GALNTL6: variants seen among roughly 807,000 people sequenced by gnomAD.
The protein encoded by GALNTL6 is polypeptide N-acetylgalactosaminyltransferase like 6, also known as polypeptide N-acetylgalactosaminyltransferase-like 6.
A neutral mutation model predicts 73.7 loss-of-function variants in GALNTL6; 46 were observed. That is an observed-to-expected ratio of 0.62 (90% CI 0.49 to 0.80). The LOEUF (loss-of-function observed/expected upper bound fraction) is 0.80. Among genes scored for constraint, GALNTL6 ranks in the 30% least tolerant of loss-of-function variants. The pLI is 0.00. For synonymous variants in GALNTL6, 259 were observed against 263.7 expected (o/e 0.98, Z 0.17); for missense variants, 604 against 755.0 (o/e 0.80, Z 2.34).
At chr4:172,733,698 C>A (rs138918833) in intron 5 of GALNTL6, among the ~76,000 whole-genome samples, 26 of 152,274 alleles carry the variant, frequency 1.7e-4, no homozygotes, top group African/African-American at 6.3e-4. Context: ...GTAAGATGTG[C>A]CTTTGCTCCT....
intron 5 of GALNTL6, among the ~76,000 whole-genome samples, chr4:172,776,554 A>G (rs887893152): frequency 1.3e-5 from 2 of 152,190 alleles, no homozygotes; most frequent in Non-Finnish European, 2.9e-5. Context: ...CTCTCTATAC[A>G]TTGTTATAAG....
intron 2 of GALNTL6, among the ~76,000 whole-genome samples, chr4:171,912,959 G>A (rs1435230298): frequency 2.6e-5 from 4 of 152,096 alleles, no homozygotes; most frequent in African/African-American, 4.8e-5. Flanking sequence ...ATTGATGGAC[G>A]CTTAGGTTAT....
intron 2 of GALNTL6, among the ~76,000 whole-genome samples, chr4:172,004,664 T>C (rs1007413334): frequency 5.9e-5 from 9 of 152,074 alleles, no homozygotes; most frequent in Admixed American, 1.3e-4. Context: ...CTCTAATATA[T>C]GTCTTAATGA....
At chr4:172,486,402 C>T (rs1476648137) in intron 5 of GALNTL6, among the ~76,000 whole-genome samples, 1 of 152,134 alleles carries the variant, frequency 6.6e-6, no homozygotes, top group South Asian at 2.1e-4. Flanking sequence ...AAACTGTTGG[C>T]TGAAATATGT....
chr4:172,008,686 G>A (rs1034640753), intron 2 of GALNTL6, among the ~76,000 whole-genome samples: 1 of 152,082 alleles, frequency 6.6e-6, no homozygotes, highest in Non-Finnish European at 1.5e-5. Context: ...CTTCAGGCAC[G>A]AATGGGAATC....
intron 2 of GALNTL6, among the ~76,000 whole-genome samples, chr4:172,213,099 CT>C (rs35896181): frequency 1.3e-5 from 2 of 150,796 alleles, no homozygotes; most frequent in Non-Finnish European, 3.0e-5. Context: ...AAGTTTCATC[CT>C]TTTTTTTTGT....
chr4:171,877,759 A>T (rs939370301), intron 2 of GALNTL6, among the ~76,000 whole-genome samples: 1 of 152,232 alleles, frequency 6.6e-6, no homozygotes, highest in Non-Finnish European at 1.5e-5. Context: ...TTTATTATAG[A>T]AAACAAAGGA....
chr4:172,930,039 G>A (rs544117416), intron 8 of GALNTL6, among the ~76,000 whole-genome samples: 2 of 152,290 alleles, frequency 1.3e-5, no homozygotes, highest in South Asian at 2.1e-4. Flanking sequence ...CACTTTAGGA[G>A]GCCGAGGTGG....
At chr4:172,186,181 T>C (rs901469153) in intron 2 of GALNTL6, among the ~76,000 whole-genome samples, 1 of 152,094 alleles carries the variant, frequency 6.6e-6, no homozygotes, top group Admixed American at 6.6e-5. Flanking sequence ...ACCAACAAGA[T>C]TGTGAAAAGA....
At chr4:172,321,493 GAA>G (rs1258439099) in intron 4 of GALNTL6, among the ~76,000 whole-genome samples, 1 of 151,944 alleles carries the variant, frequency 6.6e-6, no homozygotes, top group South Asian at 2.1e-4. Flanking sequence ...AAATATAACA[GAA>G]AAAGACTTCA....
At chr4:172,300,372 T>G (rs1739865089) in intron 3 of GALNTL6, among the ~76,000 whole-genome samples, 1 of 152,276 alleles carries the variant, frequency 6.6e-6, no homozygotes, top group Non-Finnish European at 1.5e-5. Context: ...CCATTTACAT[T>G]TAAGGTTAAT....
intron 2 of GALNTL6, among the ~76,000 whole-genome samples, chr4:172,194,037 C>T (rs567402759): frequency 4.0e-4 from 61 of 151,844 alleles, no homozygotes; most frequent in African/African-American, 1.4e-3. Flanking sequence ...TAACAAACTT[C>T]TTTGAGCTAC....
chr4:172,163,015 C>G (rs1445302254), intron 2 of GALNTL6, among the ~76,000 whole-genome samples: 1 of 152,010 alleles, frequency 6.6e-6, no homozygotes, highest in East Asian at 1.9e-4. Flanking sequence ...TCTGGCAGCA[C>G]AGAGCCAGAT....
intron 5 of GALNTL6, among the ~76,000 whole-genome samples, chr4:172,744,267 G>A (rs958907299): frequency 1.3e-5 from 2 of 152,048 alleles, no homozygotes; most frequent in Non-Finnish European, 1.5e-5. Flanking sequence ...CCAGAAATTA[G>A]GATCACTTTA....
chr4:171,837,791 G>C (rs2110837157), intron 2 of GALNTL6, among the ~76,000 whole-genome samples: 1 of 149,970 alleles, frequency 6.7e-6, no homozygotes, highest in East Asian at 1.9e-4. Flanking sequence ...CGCCCATGAG[G>C]ATAGCCCTAA....
rs1361620409 is a variant in GALNTL6 at position 172,635,504 on chromosome 4, T to TC, written c.554-173851dup. On this transcript the variant is annotated intron_variant, in intron 5 of 12. Transcript: ENST00000506823. ...CTGAATTTGACCCATTAATCTGTCT[T>TC]CCCCCCTTAACCACACCCTTTCAAA... 2.6e-5 allele frequency among the ~76,000 whole-genome samples: 4 copies of TC among 152,030 alleles called. No homozygotes were observed. The East Asian group carries it at 5.8e-4, about 22-fold the overall frequency.
chr4:172,965,646 C>T (rs1344798958), intron 10 of GALNTL6, among the ~76,000 whole-genome samples: 6 of 151,260 alleles, frequency 4.0e-5, no homozygotes, highest in East Asian at 3.9e-4. Context: ...TTTAATTCCA[C>T]ATTCCCAGAC....
intron 5 of GALNTL6, among the ~76,000 whole-genome samples, chr4:172,363,889 C>T (rs1299815927): frequency 1.3e-5 from 2 of 152,090 alleles, no homozygotes; most frequent in Non-Finnish European, 2.9e-5. Flanking sequence ...AGAGATTCTA[C>T]AAATAGAACA....
intron 2 of GALNTL6, among the ~76,000 whole-genome samples, chr4:172,014,432 C>T (rs1910888): frequency 0.11 from 16,270 of 151,954 alleles, 2,316 homozygotes; most frequent in African/African-American, 0.33. Context: ...GGTGAGATGA[C>T]ATGTCACTTA....
Sources: allele counts gnomAD v4.1 joint callset (sites outside exome capture counted in the v4.1 genomes callset), GRCh38; gene constraint gnomAD v4.1.1; transcripts MANE v1.5; gene names NCBI Gene and HGNC (gene_info 2026-07-23, HGNC 2026-07-21).